Variants in TIMELESS observed in about 807,000 individuals in gnomAD.
TIMELESS encodes the protein timeless circadian regulator.
TIMELESS carries 124 observed loss-of-function variants against 164.3 expected under a neutral mutation model. The observed-to-expected ratio is 0.75, with a 90% confidence interval of 0.65 to 0.88. The LOEUF (loss-of-function observed/expected upper bound fraction) is 0.88. Ranked by LOEUF, TIMELESS falls within the 40% of genes least tolerant of loss-of-function variation. The pLI is 0.00. For missense variants in TIMELESS, 1,422 were observed against 1,491.4 expected (o/e 0.95, Z 0.77); for synonymous variants, 564 against 563.4 (o/e 1.00, Z -0.02).
chr12:56,443,870 G>T (rs912369051), intron 1 of TIMELESS, among the ~76,000 whole-genome samples: 1 of 151,488 alleles, frequency 6.6e-6, no homozygotes, highest in Non-Finnish European at 1.5e-5. Context: ...AGGGCCTTCA[G>T]CCTGGTCCAG....
chr12:56,416,587 T>C lies in TIMELESS; in HGVS notation c.*1129A>G, dbSNP rs1296052460. 2.6e-5 allele frequency: 4 copies of C among 152,306 alleles called. No individual in the cohort carries two copies. Among genetic ancestry groups the C allele is most frequent in the Admixed American group, 6.5e-5 (1 of 15,292 alleles). The allele number at this position is 152,306 out of a possible 1,614,324, so 9.4% of individuals were successfully genotyped here. ...ATGCCAACAAGCTGGCTTCTCTTCC[T>C]TTATGGCTCCTCCTTCTTCCTGCCG... On this transcript the variant is annotated 3_prime_UTR_variant, in exon 29 of 29. Coordinates refer to ENST00000553532, the MANE Select transcript of TIMELESS (RefSeq NM_003920.5).
Position 56,421,788 on chromosome 12 carries a change from C to T in TIMELESS, c.2664G>A (p.Leu888=), listed in dbSNP as rs934772433. Residue 888 remains leucine, a synonymous_variant, in exon 22 of 29, where the codon CTG becomes CTA. Coordinates refer to ENST00000553532, the MANE Select transcript of TIMELESS (RefSeq NM_003920.5). ...GCTCCAACTCCTGATCCCCCGTCCA[C>T]AGTACAATATGGGTTCCTTTCCTGA... ...DFQRKGTHIV[L]WTGDQELELQ... 1 of 1,614,200 alleles carries T rather than the reference C, an allele frequency of 6.2e-7. No individual in the cohort carries two copies. The highest frequency in any genetic ancestry group is 8.5e-7 in the Non-Finnish European group (1 of 1,180,040).
rs768992416 is a variant in TIMELESS, at chr12:56,423,382, C to T, written c.2184G>A (p.Met728Ile). 6 of 1,614,044 alleles carry T rather than the reference C, an allele frequency of 3.7e-6. No homozygotes were observed. Residue 728 changes from methionine to isoleucine, a missense_variant, in exon 18 of 29, where the codon ATG becomes ATA. Met to Ile is a conservative substitution (Grantham distance 10). Transcript: ENST00000553532. ...SAHTNHCIVK[M>I]LHRLAHDLKM... The stretch of plus-strand genomic sequence containing the variant: ...TGAGGTCATGGGCCAGCCGGTGCAG[C>T]ATCTTCACAATGCAATGGTTAGTGT...
intron 1 of TIMELESS, among the ~76,000 whole-genome samples, chr12:56,446,142 C>T (rs952603048): frequency 2.0e-5 from 3 of 152,118 alleles, no homozygotes; most frequent in Non-Finnish European, 4.4e-5. Context: ...TGGGCTCAAG[C>T]GACCCACCCA....
chr12:56,446,668 T>C (rs146198196), intron 1 of TIMELESS, among the ~76,000 whole-genome samples: 145 of 152,016 alleles, frequency 9.5e-4, no homozygotes, highest in African/African-American at 3.3e-3. Flanking sequence ...CTGTCTCTAC[T>C]AAAAATAAAA....
In TIMELESS at chr12:56,423,469, T is replaced by A. The variant is rs768882570; in HGVS notation, c.2097A>T (p.Ala699=). 1 of 1,614,056 alleles carries A rather than the reference T, an allele frequency of 6.2e-7. No homozygotes were observed. Among genetic ancestry groups the A allele is most frequent in the East Asian group, 2.2e-5 (1 of 44,876 alleles). The change falls in exon 18 of 29, where the codon GCA becomes GCT. Residue 699 remains alanine (A), a synonymous_variant. Transcript: ENST00000553532. ...CATAGGCTCGAACGACAGTTGAACA[T>A]GCAAAGCTGCACCAAAACAAGGAGG... is the stretch of plus-strand genomic sequence containing the variant. The part of the protein sequence containing the change: ...FNFLDYLKRF[A]CSTVVRAYVL...
At chr12:56,431,416 T>C in intron 8 of TIMELESS, 55 bp downstream of exon 8, 1 of 1,542,556 alleles carries the variant, frequency 6.5e-7, no homozygotes, top group Non-Finnish European at 8.7e-7. Flanking sequence ...ATTTGCCTTC[T>C]ATGCCCTCAG....
At position 56,421,080 on chromosome 12, in the gene TIMELESS, C is replaced by T; in HGVS notation, c.2923G>A (p.Glu975Lys). The T allele has an allele frequency of 6.2e-7, 1 of 1,614,166 alleles. No individual in the cohort carries two copies. ...TCGCTGTCTTCCTCAGGCAGGTTTT[C>T]CTCTTCTTCCAGATCTTCCTGGCAA... ...DFCQEDLEEE[E>K]NLPEEDSEEE... The change falls in exon 24 of 29, where the codon GAA becomes AAA. Residue 975 changes from glutamate (E) to lysine (K), a missense_variant. Glu to Lys is a moderately conservative substitution (Grantham distance 56, BLOSUM62 1). Transcript: ENST00000553532.
At chr12:56,441,134 A>C (rs1049312601) in intron 1 of TIMELESS, among the ~76,000 whole-genome samples, 1 of 152,116 alleles carries the variant, frequency 6.6e-6, no homozygotes, top group East Asian at 1.9e-4. Flanking sequence ...TGTTGAATCT[A>C]ATGATGATAA....
At chr12:56,419,152 G>A (rs1007850986) in intron 26 of TIMELESS, among the ~76,000 whole-genome samples, 4 of 151,778 alleles carry the variant, frequency 2.6e-5, no homozygotes, top group Non-Finnish European at 4.4e-5. Context: ...CCACCACACC[G>A]GGCTAATTTT....
At chr12:56,432,801 T>C (rs1881935175) in intron 6 of TIMELESS, among the ~76,000 whole-genome samples, 1 of 150,434 alleles carries the variant, frequency 6.6e-6, no homozygotes, top group Non-Finnish European at 1.5e-5. Flanking sequence ...AAAAAAAAAT[T>C]AGCCAGGCAT....
chr12:56,440,538 G>A (rs576664202), intron 1 of TIMELESS, among the ~76,000 whole-genome samples: 1 of 152,294 alleles, frequency 6.6e-6, no homozygotes, highest in East Asian at 1.9e-4. Flanking sequence ...GAACAAAATG[G>A]CATCTAGCAC....
Position 56,433,430 on chromosome 12 carries a change from T to A in TIMELESS, c.380A>T (p.Glu127Val), listed in dbSNP as rs777023141. The A allele has an allele frequency of 2.5e-6, 4 of 1,614,204 alleles. No individual in the cohort carries two copies. Among genetic ancestry groups the A allele is most frequent in the Non-Finnish European group, 3.4e-6 (4 of 1,180,042 alleles). Residue 127 changes from glutamate to valine, a missense_variant, in exon 5 of 29, where the codon GAG becomes GTG. Transcript: ENST00000553532. ...TTCACTGAGGACTCCAAAAGCCTTC[T>A]CACTGGCAAAGGCCTGTGAAATAGG... ...LQAYKEAFAS[E>V]KAFGVLSETL...
In TIMELESS at chr12:56,428,340, T is replaced by C. The variant is rs373886609; in HGVS notation, c.1474A>G (p.Arg492Gly). Residue 492 changes from arginine to glycine, a missense_variant, in exon 13 of 29, where the codon AGA becomes GGA. Coordinates refer to ENST00000553532, the MANE Select transcript of TIMELESS (RefSeq NM_003920.5). ...CGAAGGAAAGAGCGGGGCTGGCATC[T>C]CTCATCAAACTTTCGAAAAAGTGCC... ...FLALFRKFDE[R>G]CQPRSFLRDL... 11 of 1,613,504 alleles carry C rather than the reference T, an allele frequency of 6.8e-6. No homozygotes were observed. The African/African-American group carries it at 1.2e-4, about 18-fold the overall frequency.
chr12:56,421,422 C>A lies in TIMELESS; in HGVS notation c.2797G>T (p.Ala933Ser). Residue 933 changes from alanine (A) to serine (S), a missense_variant, in exon 23 of 29, where the codon GCT becomes TCT. Ala to Ser is a moderately conservative substitution (Grantham distance 99, BLOSUM62 1). Transcript: ENST00000553532. ...CGCCGCTCAGCCACCAGCCCCAGAGCCAAGAGTTTATCCACTATTCGGGCC... is the reference window on the plus strand; with the variant it reads ...CGCCGCTCAGCCACCAGCCCCAGAGACAAGAGTTTATCCACTATTCGGGCC... ...SRARIVDKLL[A>S]LGLVAERREL... is the part of the protein sequence containing the mutation. 6.2e-7 allele frequency: 1 copy of A among 1,614,114 alleles called. No homozygotes were observed. Among genetic ancestry groups the A allele is most frequent in the Non-Finnish European group, 8.5e-7 (1 of 1,180,022 alleles).
chr12:56,429,054 T>C lies in TIMELESS; in HGVS notation c.1133A>G (p.Tyr378Cys). 6.2e-7 allele frequency: 1 copy of C among 1,613,936 alleles called. No homozygotes were observed. Among genetic ancestry groups the C allele is most frequent in the Non-Finnish European group, 8.5e-7 (1 of 1,180,016 alleles). Residue 378 changes from tyrosine (Y) to cysteine (C), a missense_variant, in exon 11 of 29, where the codon TAT (tyrosine) becomes TGT (cysteine). Tyr to Cys is a radical substitution (Grantham distance 194). Coordinates refer to ENST00000553532, the MANE Select transcript of TIMELESS (RefSeq NM_003920.5). Reference protein sequence around the residue: ...EKAQQHDETYYMWALAFFMAF... With the variant: ...EKAQQHDETYCMWALAFFMAF... ...CATGAAGAAAGCCAAGGCCCACATA[T>C]AATAGGTCTCATCATGCTGCTGAGC...
intron 1 of TIMELESS, among the ~76,000 whole-genome samples, chr12:56,447,629 T>A (rs376564745): frequency 6.6e-6 from 1 of 152,186 alleles, no homozygotes; most frequent in East Asian, 1.9e-4. Context: ...TCGGGAACTC[T>A]CCATCCTACT....
chr12:56,420,048 A>ATATATATATATATATATGTGTG (rs1473074484), intron 26 of TIMELESS, among the ~76,000 whole-genome samples: 1 of 87,338 alleles, frequency 1.1e-5, no homozygotes, highest in East Asian at 2.8e-4. Context: ...ATATATATAT[A>ATATATATATATATATATGTGTG]TGTGTGTGTG....
intron 13 of TIMELESS, among the ~76,000 whole-genome samples, chr12:56,425,507 A>C (rs1161725007): frequency 6.6e-6 from 1 of 152,228 alleles, no homozygotes; most frequent in Non-Finnish European, 1.5e-5. Flanking sequence ...TGCTATGAGG[A>C]TCAAATAAGA....
Sources: allele counts gnomAD v4.1 joint callset (sites outside exome capture counted in the v4.1 genomes callset), GRCh38; gene constraint gnomAD v4.1.1; transcripts MANE v1.5; gene names NCBI Gene and HGNC (gene_info 2026-07-23, HGNC 2026-07-21).